PTPRN2: variants seen among roughly 807,000 people sequenced by gnomAD.
PTPRN2 encodes receptor-type tyrosine-protein phosphatase N2.
PTPRN2 carries 74 observed loss-of-function variants against 118.8 expected under a neutral mutation model. The ratio of observed to expected loss-of-function variants is 0.62; its 90% CI spans 0.52 to 0.76. The LOEUF (loss-of-function observed/expected upper bound fraction) is 0.76. Among genes scored for constraint, PTPRN2 ranks in the 30% least tolerant of loss-of-function variants. The pLI, the probability that PTPRN2 is intolerant of heterozygous loss-of-function variation, is 0.00. For synonymous variants in PTPRN2, 641 were observed against 608.0 expected (o/e 1.05, Z -0.80); for missense variants, 1,481 against 1,394.4 (o/e 1.06, Z -0.99).
intron 13 of PTPRN2, among the ~76,000 whole-genome samples, chr7:157,670,884 T>G (rs1317931427): frequency 2.9e-4 from 44 of 152,214 alleles, no homozygotes; most frequent in Admixed American, 2.9e-3. Context: ...AGCCCAGGCC[T>G]GACGTGGAAG....
rs1422828170 is a variant in PTPRN2, at chr7:157,794,165, A to G, written c.1788+104508T>C. On this transcript the variant is annotated intron_variant, in intron 12 of 22. Coordinates refer to ENST00000389418, the MANE Select transcript of PTPRN2 (RefSeq NM_002847.5). This position sits in a 1 kb window ranked among gnomAD's most constrained non-coding sequence, Gnocchi z 5.2. ...GTTCTCTGCTCTGACCCGGGCTCGC[A>G]CCTCTCCTCGTTCTCTGCCCTGACC... is the stretch of plus-strand genomic sequence containing the variant. 6.8e-6 allele frequency among the ~76,000 whole-genome samples: 1 copy of G among 147,582 alleles called. No individual in the cohort carries two copies. The highest frequency in any genetic ancestry group is 1.5e-5 in the Non-Finnish European group (1 of 67,216).
chr7:158,441,072 ATGG>A (rs767426288), intron 2 of PTPRN2, among the ~76,000 whole-genome samples: 42 of 102,274 alleles, frequency 4.1e-4, no homozygotes, highest in Non-Finnish European at 2.4e-4. Flanking sequence ...GGTGGTAGTG[ATGG>A]TGGTGCTGGT....
intron 11 of PTPRN2, among the ~76,000 whole-genome samples, chr7:157,991,957 C>T (rs10949682): frequency 0.26 from 39,440 of 151,730 alleles, 5,549 homozygotes; most frequent in East Asian, 0.58. Context: ...CAGTCAGGGC[C>T]TCCATCACCA....
intron 12 of PTPRN2, among the ~76,000 whole-genome samples, chr7:157,884,626 T>C (rs1777989848): frequency 6.6e-6 from 1 of 152,176 alleles, no homozygotes; most frequent in Non-Finnish European, 1.5e-5. Context: ...TGGGGAGGCC[T>C]CACAATCACA....
rs114258749 is a variant in PTPRN2, at chr7:158,006,482, C to T, written c.1723+74816G>A. On this transcript the variant is annotated intron_variant, in intron 11 of 22. Transcript: ENST00000389418. ...GCCTCACAAGCTTGCTGGACACCTG[C>T]GGTGAGTCCCAGCAAGGGTGAGTCC... Among the ~76,000 whole-genome samples, 469 of 152,342 alleles carry T rather than the reference C, an allele frequency of 3.1e-3. 5 individuals carry two copies. The highest frequency in any genetic ancestry group is 0.01 in the African/African-American group (431 of 41,580).
intron 12 of PTPRN2, among the ~76,000 whole-genome samples, chr7:157,759,969 G>A (rs890633753): frequency 3.3e-5 from 5 of 152,156 alleles, no homozygotes; most frequent in African/African-American, 1.2e-4. Context: ...AAGAGACCGG[G>A]CGGGCAAAGT....
chr7:158,303,168 CAAA>C (rs542953447), intron 3 of PTPRN2, among the ~76,000 whole-genome samples: 3 of 119,862 alleles, frequency 2.5e-5, no homozygotes, highest in African/African-American at 9.0e-5. Flanking sequence ...ACTAACCCAC[CAAA>C]AAAAAAAAAA....
At chr7:158,233,645 A>G (rs1287629886) in intron 3 of PTPRN2, among the ~76,000 whole-genome samples, 1 of 152,160 alleles carries the variant, frequency 6.6e-6, no homozygotes, top group East Asian at 1.9e-4. Flanking sequence ...AAGCTCACAA[A>G]AGACCCCAAA....
At position 157,618,191 on chromosome 7, in the gene PTPRN2, G is replaced by A. The variant is rs1802914218; in HGVS notation, c.2344+3171C>T. 6.6e-6 allele frequency: 1 copy of A among 152,262 alleles called. No homozygotes were observed. Among genetic ancestry groups the A allele is most frequent in the African/African-American group, 2.4e-5 (1 of 41,460 alleles). The allele number at this position is 152,262 out of a possible 1,614,324, so 9.4% of individuals were successfully genotyped here. On this transcript the variant is annotated intron_variant, in intron 15 of 22. Coordinates refer to ENST00000389418, the MANE Select transcript of PTPRN2 (RefSeq NM_002847.5). The surrounding 1 kb of genome is among the most constrained non-coding windows in gnomAD (Gnocchi z 4.2). The stretch of plus-strand genomic sequence containing the variant: ...GGGTGGAAGAATGACCCAGGGAAGT[G>A]CTCCATGGGGAAGGCGGGGCATGAG...
intron 13 of PTPRN2, among the ~76,000 whole-genome samples, chr7:157,659,215 G>A (rs991805001): frequency 6.6e-5 from 10 of 151,082 alleles, no homozygotes; most frequent in South Asian, 2.1e-4. Context: ...GGGGCCCTGC[G>A]GCCCCCACTC....
intron 1 of PTPRN2, among the ~76,000 whole-genome samples, chr7:158,538,068 A>G (rs1825752164): frequency 6.6e-6 from 1 of 152,212 alleles, no homozygotes; most frequent in South Asian, 2.1e-4. Flanking sequence ...CCAAGCACGG[A>G]AGGAGTAGAC....
intron 6 of PTPRN2, among the ~76,000 whole-genome samples, chr7:158,139,294 C>T (rs558147273): frequency 6.6e-6 from 1 of 152,190 alleles, no homozygotes; most frequent in Non-Finnish European, 1.5e-5. Flanking sequence ...CAGAATCCAA[C>T]ACACATTCTG....
intron 12 of PTPRN2, among the ~76,000 whole-genome samples, chr7:157,833,633 T>G (rs909348291): frequency 6.6e-6 from 1 of 152,256 alleles, no homozygotes; most frequent in Admixed American, 6.5e-5. Flanking sequence ...CCATCCATCC[T>G]GTATGATGGT....
At chr7:158,265,112 T>C (rs113867276) in intron 3 of PTPRN2, among the ~76,000 whole-genome samples, 1,688 of 152,202 alleles carry the variant, frequency 0.011, 39 homozygotes, top group African/African-American at 0.038. Context: ...AGGTAGTGCA[T>C]GCTTCGTATG....
intron 12 of PTPRN2, among the ~76,000 whole-genome samples, chr7:157,718,250 T>A (rs1317698897): frequency 6.6e-6 from 1 of 152,278 alleles, no homozygotes; most frequent in Non-Finnish European, 1.5e-5. Flanking sequence ...ATCAGCTATT[T>A]CTGCAAATAA....
At chr7:158,389,682 G>T (rs965717926) in intron 2 of PTPRN2, among the ~76,000 whole-genome samples, 13 of 152,250 alleles carry the variant, frequency 8.5e-5, no homozygotes, top group Non-Finnish European at 1.5e-4. Flanking sequence ...CTGGCTGCTG[G>T]AACCAGGCCC....
intron 3 of PTPRN2, among the ~76,000 whole-genome samples, chr7:158,301,908 C>T (rs1800919086): frequency 2.0e-5 from 3 of 152,200 alleles, no homozygotes; most frequent in African/African-American, 7.2e-5. Flanking sequence ...CGAGATTGTG[C>T]CGCTGTATTC....
At chr7:157,724,107 G>T (rs1799395706) in intron 12 of PTPRN2, among the ~76,000 whole-genome samples, 1 of 152,216 alleles carries the variant, frequency 6.6e-6, no homozygotes, top group African/African-American at 2.4e-5. Context: ...GTGGAATTTA[G>T]GCTTCCCCCA....
rs71200017 is a variant in PTPRN2, at chr7:158,407,634, C to CGTCCTGG, written c.163+82094_163+82100dup. On this transcript the variant is annotated intron_variant, in intron 2 of 22. Coordinates refer to ENST00000389418, the MANE Select transcript of PTPRN2 (RefSeq NM_002847.5). The stretch of plus-strand genomic sequence containing the variant: ...CCTGGGTCCTGGGTCCTGGGTCCTG[C>CGTCCTGG]GTCCTGGGTCCTGGGTCCTGCATCC... Among the ~76,000 whole-genome samples, 91 of 49,610 alleles carry CGTCCTGG rather than the reference C, an allele frequency of 1.8e-3. 6 individuals carry two copies. The highest frequency in any genetic ancestry group is 5.9e-3 in the African/African-American group (79 of 13,348). 32.5% of individuals were successfully genotyped at this position (49,610 alleles called of 152,430 possible).
Sources: gnomAD v4.1 joint callset for allele counts (sites outside exome capture counted in the v4.1 genomes callset) on GRCh38, gnomAD v4.1.1 for gene constraint, Gnocchi (gnomAD v3.1) non-coding constraint, MANE v1.5 for transcripts, NCBI Gene and HGNC (gene_info 2026-07-23, HGNC 2026-07-21) for gene names.